Variants in PARD3B observed in about 807,000 individuals in gnomAD.
The protein encoded by PARD3B is partitioning defective 3 homolog B.
PARD3B carries 103 observed loss-of-function variants against 130.2 expected under a neutral mutation model. That is an observed-to-expected ratio of 0.79 (90% CI 0.67 to 0.93). The LOEUF is 0.93. PARD3B is among the 40% of genes least tolerant of loss of function. The pLI is 0.00. For synonymous variants in PARD3B, 583 were observed against 553.2 expected (o/e 1.05, Z -0.76); for missense variants, 1,609 against 1,499.2 (o/e 1.07, Z -1.21).
chr2:205,050,889 A>G (rs1023543455), intron 4 of PARD3B, among the ~76,000 whole-genome samples: 5 of 152,114 alleles, frequency 3.3e-5, no homozygotes, highest in Non-Finnish European at 2.9e-5. Context: ...CAACAGTGCA[A>G]TTCGGTTTGC....
intron 1 of PARD3B, among the ~76,000 whole-genome samples, chr2:204,589,245 G>T (rs1206115647): frequency 6.6e-6 from 1 of 152,196 alleles, no homozygotes; most frequent in African/African-American, 2.4e-5. Flanking sequence ...ATGGTCATGG[G>T]AAGGGAGGGG....
chr2:205,421,253 A>C lies in PARD3B; in HGVS notation c.2742-19117A>C, dbSNP rs886834485. 1.3e-5 allele frequency among the ~76,000 whole-genome samples: 2 copies of C among 152,124 alleles called. No individual in the cohort carries two copies. The highest frequency in any genetic ancestry group is 1.9e-4 in the East Asian group (1 of 5,196). On this transcript the variant is annotated intron_variant, in intron 19 of 22. Coordinates refer to ENST00000406610, the MANE Select transcript of PARD3B (RefSeq NM_001302769.2). This position sits in a 1 kb window ranked among gnomAD's most constrained non-coding sequence, Gnocchi z 5.1. ...TAACATCATCTGTTTTAGACTCACT[A>C]TTCTCCTCTAGGTGGCCATTTCTTG...
intron 20 of PARD3B, among the ~76,000 whole-genome samples, chr2:205,466,991 G>A (rs2048648710): frequency 3.3e-5 from 5 of 152,228 alleles, no homozygotes; most frequent in Admixed American, 2.6e-4. Context: ...GGGATCACAG[G>A]CGTGAGCCAC....
chr2:204,778,559 T>C (rs1027313637), intron 2 of PARD3B, among the ~76,000 whole-genome samples: 13 of 152,120 alleles, frequency 8.5e-5, no homozygotes, highest in Admixed American at 5.9e-4. Flanking sequence ...AAGTGCAGTA[T>C]TGGATGGATC....
intron 2 of PARD3B, among the ~76,000 whole-genome samples, chr2:204,941,852 A>G (rs900119176): frequency 6.6e-6 from 1 of 152,050 alleles, no homozygotes; most frequent in Non-Finnish European, 1.5e-5. Flanking sequence ...GTATATATAT[A>G]TATTTAAATT....
intron 1 of PARD3B, among the ~76,000 whole-genome samples, chr2:204,551,281 A>T (rs1348609473): frequency 3.9e-5 from 6 of 152,184 alleles, no homozygotes; most frequent in African/African-American, 1.4e-4. Context: ...GGGAAAAGCA[A>T]ATTGGAAGCT....
chr2:204,728,620 C>A (rs113981845), intron 2 of PARD3B, among the ~76,000 whole-genome samples: 1 of 151,862 alleles, frequency 6.6e-6, no homozygotes, highest in Non-Finnish European at 1.5e-5. Flanking sequence ...TGATTTTTTT[C>A]CTTTTAACCT....
At chr2:205,386,192 GT>G (rs1407907908) in intron 18 of PARD3B, among the ~76,000 whole-genome samples, 1 of 152,160 alleles carries the variant, frequency 6.6e-6, no homozygotes, top group Admixed American at 6.6e-5. Flanking sequence ...GCATTGAGCT[GT>G]TTTTCCGGGA....
At chr2:204,772,916 G>C (rs1188614914) in intron 2 of PARD3B, among the ~76,000 whole-genome samples, 1 of 151,932 alleles carries the variant, frequency 6.6e-6, no homozygotes, top group African/African-American at 2.4e-5. Flanking sequence ...AAATTAATCT[G>C]TTCCAAGCCC....
At chr2:205,404,129 T>A (rs948466599) in intron 19 of PARD3B, among the ~76,000 whole-genome samples, 4 of 152,252 alleles carry the variant, frequency 2.6e-5, no homozygotes, top group African/African-American at 9.6e-5. Flanking sequence ...ATCTTTTTTT[T>A]ATGCATATAC....
chr2:204,582,508 C>CT (rs2032612011), intron 1 of PARD3B, among the ~76,000 whole-genome samples: 2 of 151,846 alleles, frequency 1.3e-5, no homozygotes, highest in Admixed American at 1.3e-4. Flanking sequence ...GAGGTTCCCC[C>CT]CCCTCATTTC....
intron 19 of PARD3B, among the ~76,000 whole-genome samples, chr2:205,416,486 G>A (rs1419239765): frequency 6.6e-6 from 1 of 152,076 alleles, no homozygotes; most frequent in Admixed American, 6.6e-5. Context: ...AAAATGTTGG[G>A]GGTAAAGGGA....
intron 18 of PARD3B, among the ~76,000 whole-genome samples, chr2:205,394,865 A>G (rs1238613042): frequency 3.9e-5 from 6 of 152,174 alleles, no homozygotes; most frequent in African/African-American, 1.4e-4. Context: ...GAGTTACTAT[A>G]TGTAGAGTGG....
chr2:205,040,558 A>C (rs1323309728), intron 3 of PARD3B, among the ~76,000 whole-genome samples: 8 of 152,178 alleles, frequency 5.3e-5, no homozygotes, highest in African/African-American at 1.9e-4. Flanking sequence ...AAAGTCTGTT[A>C]AGGAAATGTA....
rs1004244872 is a variant in PARD3B, at chr2:205,160,585, G to A, written c.1620+1678G>A. Among the ~76,000 whole-genome samples the A allele has an allele frequency of 6.6e-6, 1 of 152,218 alleles. No homozygotes were observed. Among genetic ancestry groups the A allele is most frequent in the Non-Finnish European group, 1.5e-5 (1 of 68,034 alleles). On this transcript the variant is annotated intron_variant, in intron 11 of 22. Coordinates refer to ENST00000406610, the MANE Select transcript of PARD3B (RefSeq NM_001302769.2). This position sits in a 1 kb window ranked among gnomAD's most constrained non-coding sequence, Gnocchi z 4.0. Reference sequence around the variant, plus strand: ...AGATGTAGATACAGAGAAGGGTAAAGAATTGAGTCCCATCACTCCATCTAT... The same window carrying A: ...AGATGTAGATACAGAGAAGGGTAAAAAATTGAGTCCCATCACTCCATCTAT...
rs149925357 is a variant in PARD3B, at chr2:204,770,980, G to A, written c.222+84698G>A. The stretch of plus-strand genomic sequence containing the variant: ...ATGTTTCTCTTGGGAGAAGGAGAAA[G>A]GTTCAATCAGAGCAGAATTGAAATG... On this transcript the variant is annotated intron_variant, in intron 2 of 22. Transcript: ENST00000406610. Among the ~76,000 whole-genome samples, 5 of 152,148 alleles carry A rather than the reference G, an allele frequency of 3.3e-5. No individual in the cohort carries two copies. The East Asian group carries it at 9.6e-4, about 29-fold the overall frequency.
chr2:205,188,529 A>G, intron 14 of PARD3B, among the ~76,000 whole-genome samples: 1 of 152,208 alleles, frequency 6.6e-6, no homozygotes, highest in East Asian at 1.9e-4. Flanking sequence ...AGAGAAGAGC[A>G]GGGCCTGGAT....
At chr2:205,271,395 A>G (rs1203172924) in intron 16 of PARD3B, among the ~76,000 whole-genome samples, 1 of 152,224 alleles carries the variant, frequency 6.6e-6, no homozygotes, top group East Asian at 1.9e-4. Context: ...GATTTTATTC[A>G]CTGATAAAAG....
rs1277331327 is a variant in PARD3B at position 204,837,486 on chromosome 2, T to A, written c.223-127666T>A. 2.0e-5 allele frequency among the ~76,000 whole-genome samples: 3 copies of A among 151,194 alleles called. No homozygotes were observed. In the East Asian group the frequency reaches 5.9e-4, roughly 30 times the overall value. On this transcript the variant is annotated intron_variant, in intron 2 of 22. Coordinates refer to ENST00000406610, the MANE Select transcript of PARD3B (RefSeq NM_001302769.2). ...CCCAGGCTGGAGTGCAGTGGTGCAA[T>A]CTTGGCTCACTGCAACCTCCTCCTC...
Sources: allele counts gnomAD v4.1 joint callset (sites outside exome capture counted in the v4.1 genomes callset), GRCh38; gene constraint gnomAD v4.1.1; non-coding constraint Gnocchi (gnomAD v3.1); transcripts MANE v1.5; gene names NCBI Gene and HGNC (gene_info 2026-07-23, HGNC 2026-07-21).